SI: variants seen among roughly 807,000 people sequenced by gnomAD.
The protein encoded by SI is sucrase-isomaltase.
Under a neutral mutation model 253.3 loss-of-function variants are expected in SI, and 235 were observed. That is an observed-to-expected ratio of 0.93 (90% confidence interval 0.83 to 1.03). The LOEUF (loss-of-function observed/expected upper bound fraction) is 1.03. Among genes scored for constraint, SI ranks in the 50% least tolerant of loss-of-function variants. SI has a pLI of 0.00. For synonymous variants in SI, 819 were observed against 712.0 expected (o/e 1.15, Z -2.39); for missense variants, 2,442 against 2,211.1 (o/e 1.10, Z -2.09).
chr3:165,066,269 G>T (rs946957726), intron 6 of SI, among the ~76,000 whole-genome samples: 1 of 151,906 alleles, frequency 6.6e-6, no homozygotes, highest in Non-Finnish European at 1.5e-5. Flanking sequence ...AGGAACTTGA[G>T]CATCCATGGA....
chr3:165,068,944 C>T, intron 4 of SI, 113 bp from the exon 5 acceptor site: 1 of 983,922 alleles, frequency 1.0e-6, no homozygotes, highest in Non-Finnish European at 1.6e-6. Context: ...AAATTTGTTA[C>T]AATCATGCAA....
At chr3:165,089,041 G>T in the SI span, among the ~76,000 whole-genome samples, 1 of 149,354 alleles carries the variant, frequency 6.7e-6, no homozygotes, top group Non-Finnish European at 1.5e-5. Flanking sequence ...TCCCAAATTT[G>T]CTGTCTTGGT....
Position 165,059,924 on chromosome 3 carries a change from T to C in SI, c.1124A>G (p.Asn375Ser). The C allele has an allele frequency of 6.2e-7, 1 of 1,612,032 alleles. No individual in the cohort carries two copies. The highest frequency in any genetic ancestry group is 1.1e-5 in the South Asian group (1 of 91,052). The change falls in exon 10 of 48, where the codon AAC becomes AGC. Residue 375 changes from asparagine (N) to serine (S), a missense_variant. Asn to Ser is a conservative substitution (Grantham distance 46). Coordinates refer to ENST00000264382, the MANE Select transcript of SI (RefSeq NM_001041.4). The stretch of plus-strand genomic sequence containing the variant: ...TACAAATGGTATGCCAGCTTCCCGG[T>C]TTCTCCTTACCACTTCTTTCACTAC... ...LDVVKEVVRR[N>S]REAGIPFDTQ... is the part of the protein sequence containing the mutation.
chr3:165,048,569 A>G (rs1010828599), intron 15 of SI, among the ~76,000 whole-genome samples: 582 of 55,252 alleles, frequency 0.011, 6 homozygotes, highest in Non-Finnish European at 1.0e-2. Context: ...ATATATATGT[A>G]TATATATATA....
chr3:165,064,338 A>G (rs1014765218), intron 7 of SI, among the ~76,000 whole-genome samples: 7 of 152,042 alleles, frequency 4.6e-5, no homozygotes, highest in African/African-American at 1.7e-4. Flanking sequence ...AAAGGAAAGG[A>G]TGTATGGAAA....
At chr3:165,031,704 G>A (rs1010832733) in intron 24 of SI, among the ~76,000 whole-genome samples, 1 of 150,338 alleles carries the variant, frequency 6.7e-6, no homozygotes, top group East Asian at 1.9e-4. Flanking sequence ...AATTATTTAT[G>A]GTAATATTAC....
chr3:165,032,758 G>T (rs1335749981), intron 23 of SI, 66 bp from the exon 24 acceptor site: 3 of 1,094,310 alleles, frequency 2.7e-6, no homozygotes, highest in African/African-American at 1.6e-5. Flanking sequence ...TAACAATACC[G>T]ATAAGAAATA....
At chr3:164,986,737 G>A (rs1175362830) in intron 45 of SI, among the ~76,000 whole-genome samples, 1 of 152,122 alleles carries the variant, frequency 6.6e-6, no homozygotes, top group Non-Finnish European at 1.5e-5. Context: ...GAGGAAAAGT[G>A]TCACTCCTTT....
At chr3:165,020,589 A>G (rs1411666493) in intron 27 of SI, among the ~76,000 whole-genome samples, 2 of 151,690 alleles carry the variant, frequency 1.3e-5, no homozygotes, top group African/African-American at 2.4e-5. Flanking sequence ...TAATCCAGAT[A>G]TAGTTTTAGA....
chr3:165,047,903 A>G (rs143078745), intron 15 of SI, among the ~76,000 whole-genome samples: 7 of 152,048 alleles, frequency 4.6e-5, no homozygotes, highest in Admixed American at 1.3e-4. Context: ...CACTCACGTT[A>G]CCTAACTATT....
Position 165,021,543 on chromosome 3 carries a change from G to C in SI, c.3100-160C>G, listed in dbSNP as rs575389053. 2.0e-5 allele frequency among the ~76,000 whole-genome samples: 3 copies of C among 151,546 alleles called. No homozygotes were observed. In the East Asian group the frequency reaches 5.8e-4, roughly 29 times the overall value. ...TGGTCCATATAACCATATCAATATA[G>C]AATTCCACATACACATTTATAATGG... On this transcript the variant is annotated intron_variant, in intron 26 of 47. Transcript: ENST00000264382.
the SI span, among the ~76,000 whole-genome samples, chr3:165,085,876 C>T: frequency 1.3e-5 from 2 of 152,064 alleles, no homozygotes; most frequent in Admixed American, 6.6e-5. Flanking sequence ...CCCCAGAATA[C>T]GCAAAGTTCT....
rs757155810 is a variant in SI at position 165,023,703 on chromosome 3, C to T, written c.2966G>A (p.Arg989His). The T allele has an allele frequency of 2.4e-5, 39 of 1,610,602 alleles. No individual in the cohort carries two copies. Among genetic ancestry groups the T allele is most frequent in the Admixed American group, 5.0e-5 (3 of 59,634 alleles). Reference sequence around the variant, plus strand: ...AGCTGTTATACCCATGGATGAATAGCGAGCTGAGTTGACTGAATAAGAGTT... The same window carrying T: ...AGCTGTTATACCCATGGATGAATAGTGAGCTGAGTTGACTGAATAAGAGTT... ...QDNSYSVNSA[R>H]YSSMGITADL... Residue 989 changes from arginine to histidine, a missense_variant, in exon 26 of 48, where the codon CGC (arginine) becomes CAC (histidine). Transcript: ENST00000264382.
At chr3:164,986,993 A>T in intron 45 of SI, 145 bp downstream of exon 45, 1 of 686,194 alleles carries the variant, frequency 1.5e-6, no homozygotes. Flanking sequence ...CTTTAAGTTG[A>T]TTCAGTGAAT....
At chr3:165,014,734 A>G (rs988214482) in intron 33 of SI, among the ~76,000 whole-genome samples, 10 of 152,148 alleles carry the variant, frequency 6.6e-5, no homozygotes, top group African/African-American at 2.4e-4. Context: ...TCTAAGTTTT[A>G]AATATAAGTA....
chr3:164,991,130 G>A (rs1223271896), intron 44 of SI, among the ~76,000 whole-genome samples: 1 of 151,994 alleles, frequency 6.6e-6, no homozygotes, highest in East Asian at 1.9e-4. Context: ...CATCCCCATG[G>A]GACTTGGTGG....
chr3:165,044,399 A>G (rs1050144999), intron 16 of SI, among the ~76,000 whole-genome samples: 2 of 151,938 alleles, frequency 1.3e-5, no homozygotes, highest in Non-Finnish European at 2.9e-5. Context: ...GCACACGAAG[A>G]TTCCCCTTCT....
chr3:165,063,514 T>C lies in SI; in HGVS notation c.835A>G (p.Thr279Ala). The C allele has an allele frequency of 6.5e-7, 1 of 1,545,752 alleles. No individual in the cohort carries two copies. Among genetic ancestry groups the C allele is most frequent in the Non-Finnish European group, 8.9e-7 (1 of 1,126,186 alleles). The change falls in exon 8 of 48, where the codon ACA (threonine) becomes GCA (alanine). Residue 279 changes from threonine to alanine, a missense_variant. Thr to Ala is a moderately conservative substitution (Grantham distance 58, BLOSUM62 0). Transcript: ENST00000264382. ...GTATCTTCAATACACATAAAGAATGTTTGATGGCCGTATAAATTATTATTA... is the reference window on the plus strand; with the variant it reads ...GTATCTTCAATACACATAAAGAATGCTTGATGGCCGTATAAATTATTATTA... ...DNNNNLYGHQTFFMCIEDTSG... is the reference protein window; with the variant it reads ...DNNNNLYGHQAFFMCIEDTSG...
intron 12 of SI, 69 bp downstream of exon 12, chr3:165,058,894 C>CACACACACT: frequency 2.7e-6 from 2 of 749,362 alleles, no homozygotes; most frequent in Non-Finnish European, 4.1e-6. Flanking sequence ...ACACGCACAT[C>CACACACACT]CACAGAAACT....
Sources: gnomAD v4.1 joint callset for allele counts (sites outside exome capture counted in the v4.1 genomes callset) on GRCh38, gnomAD v4.1.1 for gene constraint, MANE v1.5 for transcripts, NCBI Gene and HGNC (gene_info 2026-07-23, HGNC 2026-07-21) for gene names.